The following CFAP77 variants were observed in gnomAD, a reference collection of about 807,000 sequenced individuals.
CFAP77 encodes the protein cilia- and flagella-associated protein 77.
In CFAP77, 25 loss-of-function variants were observed where a neutral mutation model predicts 31.1. That is an observed-to-expected ratio of 0.80 (90% CI 0.59 to 1.12). The LOEUF is 1.12. Among genes scored for constraint, CFAP77 ranks in the 50% most tolerant of loss-of-function variants. CFAP77 has a pLI of 0.00. For synonymous variants in CFAP77, 151 were observed against 159.9 expected (o/e 0.94, Z 0.42); for missense variants, 377 against 397.3 (o/e 0.95, Z 0.44).
At position 132,565,409 on chromosome 9, in the gene CFAP77, C is replaced by T. The variant is rs1187904358; in HGVS notation, c.733-6979C>T. 6.6e-6 allele frequency among the ~76,000 whole-genome samples: 1 copy of T among 152,062 alleles called. No individual in the cohort carries two copies. The highest frequency in any genetic ancestry group is 2.4e-5 in the African/African-American group (1 of 41,406). ...CTTTGGGAGGCCGAGGTGAGTGGAT[C>T]ACCTGAGGTCAGGAGTTCCAGAGCA... On this transcript the variant is annotated intron_variant, in intron 5 of 5. Coordinates refer to ENST00000393216, the MANE Select transcript of CFAP77 (RefSeq NM_001282957.2). This position sits in a 1 kb window ranked among gnomAD's most constrained non-coding sequence, Gnocchi z 4.1.
intron 1 of CFAP77, among the ~76,000 whole-genome samples, chr9:132,463,671 A>G (rs1201895202): frequency 6.6e-6 from 1 of 152,168 alleles, no homozygotes; most frequent in Non-Finnish European, 1.5e-5. Context: ...TTACCTGGGG[A>G]CCAGCAGAGA....
At chr9:132,504,086 C>G (rs890393666) in intron 3 of CFAP77, among the ~76,000 whole-genome samples, 1 of 152,140 alleles carries the variant, frequency 6.6e-6, no homozygotes, top group Non-Finnish European at 1.5e-5. Context: ...CTTGTGATCA[C>G]CTGGTTCAAA....
At chr9:132,479,804 A>G (rs975340231) in intron 1 of CFAP77, among the ~76,000 whole-genome samples, 1 of 152,186 alleles carries the variant, frequency 6.6e-6, no homozygotes, top group Non-Finnish European at 1.5e-5. Context: ...AGAATGGCCT[A>G]CTACGTGAGA....
chr9:132,528,474 A>C, intron 3 of CFAP77, among the ~76,000 whole-genome samples: 1 of 149,380 alleles, frequency 6.7e-6, no homozygotes. Context: ...AAACACCAAA[A>C]GCATTGGCAA....
intron 3 of CFAP77, among the ~76,000 whole-genome samples, chr9:132,526,334 A>G (rs10793938): frequency 0.33 from 49,366 of 151,600 alleles, 8,503 homozygotes; most frequent in East Asian, 0.67. Context: ...GGTTCATGCC[A>G]TTCTCCTGCC....
chr9:132,510,539 AC>A (rs1451064121), intron 3 of CFAP77, among the ~76,000 whole-genome samples: 2 of 152,206 alleles, frequency 1.3e-5, no homozygotes, highest in Non-Finnish European at 2.9e-5. Flanking sequence ...ATCAAGCCCA[AC>A]ACATCAGCCC....
chr9:132,439,703 G>A (rs921859949), intron 1 of CFAP77, among the ~76,000 whole-genome samples: 1 of 152,040 alleles, frequency 6.6e-6, no homozygotes, highest in Non-Finnish European at 1.5e-5. Flanking sequence ...ACAAAAATTA[G>A]CCGGGCGTGG....
chr9:132,543,742 G>C (rs1373036909), intron 5 of CFAP77, among the ~76,000 whole-genome samples: 1 of 152,234 alleles, frequency 6.6e-6, no homozygotes. Flanking sequence ...GACTGACCTA[G>C]ATAAGGACCC....
intron 5 of CFAP77, among the ~76,000 whole-genome samples, chr9:132,553,431 G>A (rs1205347639): frequency 1.2e-4 from 18 of 152,062 alleles, no homozygotes; most frequent in Admixed American, 1.1e-3. Context: ...GTGAGACTCT[G>A]TCTCTACAAA....
intron 1 of CFAP77, among the ~76,000 whole-genome samples, chr9:132,414,087 C>G (rs1442630588): frequency 6.6e-6 from 1 of 152,214 alleles, no homozygotes; most frequent in East Asian, 1.9e-4. Context: ...GCCCCACGTT[C>G]TTTTGGCCAC....
Position 132,498,858 on chromosome 9 carries a change from G to T in CFAP77, c.295+64G>T. On this transcript the variant is annotated intron_variant, in intron 2 of 5. Coordinates refer to ENST00000393216, the MANE Select transcript of CFAP77 (RefSeq NM_001282957.2). This position sits in a 1 kb window ranked among gnomAD's most constrained non-coding sequence, Gnocchi z 4.2. ...GGAGGGAGGCTCACCCCTCTTCACA[G>T]ACCCCTTGACCTAGCTCGCTGCTTG... 1 of 1,164,514 alleles carries T rather than the reference G, an allele frequency of 8.6e-7. No individual in the cohort carries two copies. The highest frequency in any genetic ancestry group is 1.3e-5 in the South Asian group (1 of 75,106). 72.1% of individuals were successfully genotyped at this position (1,164,514 alleles called of 1,614,324 possible).
At chr9:132,410,987 C>A (rs1347946953) in intron 1 of CFAP77, among the ~76,000 whole-genome samples, 1 of 152,230 alleles carries the variant, frequency 6.6e-6, no homozygotes, top group Non-Finnish European at 1.5e-5. Context: ...ATTTCTTACC[C>A]AAATTACAAC....
intron 1 of CFAP77, among the ~76,000 whole-genome samples, chr9:132,436,643 A>G (rs1440811901): frequency 1.3e-5 from 2 of 152,202 alleles, no homozygotes; most frequent in African/African-American, 4.8e-5. Context: ...GAAAAAAAAT[A>G]CAACCTTTTG....
intron 1 of CFAP77, among the ~76,000 whole-genome samples, chr9:132,413,625 C>G (rs1447865026): frequency 6.6e-6 from 1 of 152,186 alleles, no homozygotes; most frequent in South Asian, 2.1e-4. Context: ...CTTCAAGACT[C>G]CTTCACAAAA....
chr9:132,553,008 A>G (rs772786840), intron 5 of CFAP77, among the ~76,000 whole-genome samples: 6 of 152,172 alleles, frequency 3.9e-5, no homozygotes, highest in Non-Finnish European at 8.8e-5. Context: ...AATCCCATAG[A>G]CTGGGGAGCT....
intron 3 of CFAP77, among the ~76,000 whole-genome samples, chr9:132,521,251 T>A (rs1197022496): frequency 2.6e-5 from 4 of 152,204 alleles, no homozygotes; most frequent in African/African-American, 9.6e-5. Context: ...CCTCGGTGCT[T>A]GCACCCGTCC....
intron 1 of CFAP77, among the ~76,000 whole-genome samples, chr9:132,444,290 C>T (rs1342906285): frequency 1.3e-5 from 2 of 152,206 alleles, no homozygotes; most frequent in Non-Finnish European, 2.9e-5. Flanking sequence ...GAGCCACCTG[C>T]GGCATTGCCA....
At chr9:132,502,518 T>A (rs4962068) in intron 3 of CFAP77, among the ~76,000 whole-genome samples, 1 of 151,964 alleles carries the variant, frequency 6.6e-6, no homozygotes, top group African/African-American at 2.4e-5. Flanking sequence ...CCCACCATTC[T>A]ACTTTCTGTT....
intron 1 of CFAP77, among the ~76,000 whole-genome samples, chr9:132,432,776 C>T (rs1196946633): frequency 1.3e-5 from 2 of 152,060 alleles, no homozygotes; most frequent in Admixed American, 6.5e-5. Context: ...TGCAGTGGCG[C>T]GATCTCGGCT....
Sources: gnomAD v4.1 joint callset for allele counts (sites outside exome capture counted in the v4.1 genomes callset) on GRCh38, gnomAD v4.1.1 for gene constraint, Gnocchi (gnomAD v3.1) non-coding constraint, MANE v1.5 for transcripts, NCBI Gene and HGNC (gene_info 2026-07-23, HGNC 2026-07-21) for gene names.